Variants in RFWD3 observed in about 807,000 individuals in gnomAD.
The protein encoded by RFWD3 is ring finger and WD repeat domain 3, also known as E3 ubiquitin-protein ligase RFWD3.
A neutral mutation model predicts 87.7 loss-of-function variants in RFWD3; 65 were observed. The observed-to-expected ratio is 0.74, with a 90% CI of 0.61 to 0.91. The LOEUF is 0.91. Ranked by LOEUF, RFWD3 falls within the 40% of genes least tolerant of loss-of-function variation. The pLI is 0.00. For missense variants in RFWD3, 1,078 were observed against 938.5 expected, an observed-to-expected ratio of 1.15 and a Z score of -1.94; for synonymous variants, 433 against 352.8, an observed-to-expected ratio of 1.23 and a Z score of -2.55.
chr16:74,636,180 A>G (rs1276270026), intron 8 of RFWD3, among the ~76,000 whole-genome samples, 166 bp downstream of exon 8: 1 of 152,262 alleles, frequency 6.6e-6, no homozygotes. Context: ...TGAAGTCAAC[A>G]GACAGTAAAG....
chr16:74,644,474 TA>T (rs1346114310), intron 5 of RFWD3, 21 bp from the exon 6 acceptor site: 9 of 1,614,024 alleles, frequency 5.6e-6, no homozygotes, highest in Non-Finnish European at 7.6e-6. Context: ...CAATAGGACA[TA>T]ATTAGAGTGG....
chr16:74,626,620 A>C, intron 11 of RFWD3, 66 bp from the exon 12 acceptor site: 1 of 1,276,024 alleles, frequency 7.8e-7, no homozygotes, highest in East Asian at 2.4e-5. Context: ...CAAGTACCCA[A>C]ACCTCACACG....
intron 3 of RFWD3, among the ~76,000 whole-genome samples, chr16:74,650,222 T>C (rs368895192): frequency 3.0e-4 from 46 of 152,340 alleles, no homozygotes; most frequent in African/African-American, 1.1e-3. Context: ...AGATGTTCCA[T>C]TTGTAGACTG....
intron 9 of RFWD3, among the ~76,000 whole-genome samples, chr16:74,632,217 C>T (rs1372064642): frequency 2.0e-5 from 3 of 151,766 alleles, no homozygotes; most frequent in Admixed American, 6.6e-5. Flanking sequence ...AGTGAAACCC[C>T]GTCTCTACTA....
intron 4 of RFWD3, 26 bp downstream of exon 4, chr16:74,649,105 AT>A (rs762261419): frequency 1.2e-5 from 18 of 1,472,456 alleles, no homozygotes; most frequent in Non-Finnish European, 1.7e-5. Context: ...AAATAAATAG[AT>A]TTTTTTAAAA....
At chr16:74,651,290 A>G (rs1960546076) in intron 3 of RFWD3, among the ~76,000 whole-genome samples, 1 of 152,192 alleles carries the variant, frequency 6.6e-6, no homozygotes, top group African/African-American at 2.4e-5. Context: ...GTCAGCCTAG[A>G]CAGGGTGCTG....
intron 7 of RFWD3, among the ~76,000 whole-genome samples, chr16:74,637,472 C>T (rs967256762): frequency 6.6e-6 from 1 of 151,914 alleles, no homozygotes; most frequent in African/African-American, 2.4e-5. Flanking sequence ...ACTAAAAGTA[C>T]AAAAATTAGC....
At chr16:74,641,759 C>A (rs955491880) in intron 6 of RFWD3, among the ~76,000 whole-genome samples, 3 of 151,426 alleles carry the variant, frequency 2.0e-5, no homozygotes, top group South Asian at 2.1e-4. Flanking sequence ...CCTGTCTCTA[C>A]TAAAAATACA....
At chr16:74,628,899 G>GA (rs1900308664) in intron 10 of RFWD3, among the ~76,000 whole-genome samples, 2 of 151,866 alleles carry the variant, frequency 1.3e-5, no homozygotes, top group African/African-American at 2.4e-5. Flanking sequence ...AAAAGAAAAG[G>GA]AAAAAAAGAA....
intron 2 of RFWD3, among the ~76,000 whole-genome samples, chr16:74,658,727 T>A (rs1961192296): frequency 6.6e-6 from 1 of 152,154 alleles, no homozygotes; most frequent in Non-Finnish European, 1.5e-5. Context: ...CTTTCAACAT[T>A]TAAATTCTGT....
chr16:74,659,908 C>T (rs907240340), intron 2 of RFWD3, among the ~76,000 whole-genome samples: 3 of 152,070 alleles, frequency 2.0e-5, no homozygotes, highest in Admixed American at 6.6e-5. Flanking sequence ...TAGAAAACAT[C>T]GGCATGGTTG....
At chr16:74,641,385 A>C (rs8059780) in intron 6 of RFWD3, among the ~76,000 whole-genome samples, 89,041 of 151,530 alleles carry the variant, frequency 0.59, 27,364 homozygotes, top group African/African-American at 0.77. Flanking sequence ...CTGGTCTCCA[A>C]CTCCTGACCT....
intron 3 of RFWD3, among the ~76,000 whole-genome samples, chr16:74,651,253 C>G (rs1960541271): frequency 6.6e-6 from 1 of 152,170 alleles, no homozygotes; most frequent in South Asian, 2.1e-4. Flanking sequence ...TTGCATAACA[C>G]ATAACATTAT....
chr16:74,645,818 T>C (rs921879297), intron 4 of RFWD3, among the ~76,000 whole-genome samples: 1 of 132,984 alleles, frequency 7.5e-6, no homozygotes, highest in Non-Finnish European at 1.6e-5. Flanking sequence ...AGCGGCAGAA[T>C]CTCGGCTCAC....
chr16:74,626,388 G>T lies in RFWD3; in HGVS notation c.2136C>A (p.Gly712=), dbSNP rs751713966. The T allele has an allele frequency of 3.1e-6, 5 of 1,614,092 alleles. No individual in the cohort carries two copies. Among genetic ancestry groups the T allele is most frequent in the East Asian group, 2.2e-5 (1 of 44,904 alleles). The change falls in exon 12 of 13, where the codon GGC becomes GGA. Residue 712 remains glycine (G), a synonymous_variant. Coordinates refer to ENST00000361070, the MANE Select transcript of RFWD3 (RefSeq NM_018124.4). ...CATCCCCAGTACACACCAGGATGTT[G>T]CCATCATTCTCTGGGCTTTGGAAAA... ...NAIFQSPEND[G]NILVCTGDEA...
rs772096137 is a variant in RFWD3, at chr16:74,626,362, T to G, written c.2162A>C (p.Glu721Ala). 6.2e-7 allele frequency: 1 copy of G among 1,614,176 alleles called. No individual in the cohort carries two copies. The highest frequency in any genetic ancestry group is 8.5e-7 in the Non-Finnish European group (1 of 1,179,984). ...DGNILVCTGD[E>A]AANSALLWDA... ...GCTCACCAGGGCAGAATTTGCTGCT[T>G]CATCCCCAGTACACACCAGGATGTT... The change falls in exon 12 of 13, where the codon GAA (glutamate) becomes GCA (alanine). Residue 721 changes from glutamate (E) to alanine (A), a missense_variant. Glu to Ala is a moderately radical substitution (Grantham distance 107). Coordinates refer to ENST00000361070, the MANE Select transcript of RFWD3 (RefSeq NM_018124.4).
intron 4 of RFWD3, among the ~76,000 whole-genome samples, chr16:74,647,103 C>T (rs1433420753): frequency 1.3e-5 from 2 of 151,510 alleles, no homozygotes; most frequent in East Asian, 3.9e-4. Flanking sequence ...AAAAAAGATT[C>T]AATTTTATGT....
chr16:74,640,680 C>G (rs1350070642), intron 6 of RFWD3, among the ~76,000 whole-genome samples: 1 of 151,574 alleles, frequency 6.6e-6, no homozygotes, highest in African/African-American at 2.4e-5. Flanking sequence ...TGGCTCATGC[C>G]TGTAATCCCA....
rs754184350 is a variant in RFWD3, at chr16:74,652,098, G to A, written c.543C>T (p.Tyr181=). The change falls in exon 3 of 13, where the codon TAC becomes TAT. Residue 181 remains tyrosine, a synonymous_variant. Transcript: ENST00000361070. ...CAGGCTGGGTCCTGCTCACCTGAAA[G>A]TAAGCATCCAATGGTGCTCTCAACC... is the stretch of plus-strand genomic sequence containing the variant. ...SARLRAPLDA[Y]FQVSRTQPDL... is the part of the protein sequence containing the mutation. 11 of 1,614,092 alleles carry A rather than the reference G, an allele frequency of 6.8e-6. No individual in the cohort carries two copies. The South Asian group carries it at 1.1e-4, about 16-fold the overall frequency.
Sources: allele counts gnomAD v4.1 joint callset (sites outside exome capture counted in the v4.1 genomes callset), GRCh38; gene constraint gnomAD v4.1.1; transcripts MANE v1.5; gene names NCBI Gene and HGNC (gene_info 2026-07-23, HGNC 2026-07-21).